SLC14A2: variants seen among roughly 807,000 people sequenced by gnomAD.
SLC14A2 encodes the protein urea transporter 2.
Under a neutral mutation model 104.6 loss-of-function variants are expected in SLC14A2, and 91 were observed. That is an observed-to-expected ratio of 0.87 (90% CI 0.73 to 1.04). SLC14A2 has a LOEUF of 1.04. Ranked by LOEUF, SLC14A2 falls within the 50% of genes least tolerant of loss-of-function variation. The probability of loss-of-function intolerance (pLI) is 0.00; values close to 1 mark genes in which losing one functional copy is unlikely to be tolerated. For missense variants in SLC14A2, 1,189 were observed against 1,156.0 expected, an observed-to-expected ratio of 1.03 and a Z score of -0.41; for synonymous variants, 476 against 466.4, an observed-to-expected ratio of 1.02 and a Z score of -0.27.
intron 1 of SLC14A2, among the ~76,000 whole-genome samples, chr18:45,305,083 T>A (rs2085005350): frequency 6.6e-6 from 1 of 152,178 alleles, no homozygotes; most frequent in Admixed American, 6.5e-5. Flanking sequence ...TGACCTGGGT[T>A]GGGAAAGTGC....
intron 1 of SLC14A2, among the ~76,000 whole-genome samples, chr18:45,303,686 C>G (rs1031013716): frequency 1.3e-5 from 2 of 152,208 alleles, no homozygotes; most frequent in African/African-American, 4.8e-5. Flanking sequence ...ATATTTATTA[C>G]AGAAACACCT....
chr18:45,335,998 G>T (rs145102083), intron 1 of SLC14A2, among the ~76,000 whole-genome samples: 3 of 152,130 alleles, frequency 2.0e-5, no homozygotes, highest in Non-Finnish European at 4.4e-5. Flanking sequence ...CCTCCTTCTC[G>T]CCAAGCTGGT....
intron 2 of SLC14A2, among the ~76,000 whole-genome samples, chr18:45,594,294 A>G (rs1024623693): frequency 1.3e-5 from 2 of 152,202 alleles, no homozygotes; most frequent in African/African-American, 4.8e-5. Flanking sequence ...TAGCAATGGG[A>G]TGTTTAAGTG....
intron 2 of SLC14A2, among the ~76,000 whole-genome samples, chr18:45,587,509 G>A (rs899503702): frequency 6.6e-6 from 1 of 152,118 alleles, no homozygotes; most frequent in Non-Finnish European, 1.5e-5. Context: ...TTCCCAGGAG[G>A]CAAGAACCAC....
At position 45,273,529 on chromosome 18, in the gene SLC14A2, C is replaced by T. The variant is rs897566734; in HGVS notation, c.-125+60338C>T. ...AAGAGGGAACAGGTAGTGTGCAATA[C>T]AACCATCAAATACTTCTACACTCTA... On this transcript the variant is annotated intron_variant, in intron 1 of 20. Coordinates refer to the SLC14A2 transcript ENST00000586448. 8.8e-4 allele frequency among the ~76,000 whole-genome samples: 134 copies of T among 152,110 alleles called. 8 individuals carry two copies. The highest frequency in any genetic ancestry group is 4.4e-5 in the Non-Finnish European group (3 of 68,016).
intron 1 of SLC14A2, among the ~76,000 whole-genome samples, chr18:45,464,985 G>A (rs954306483): frequency 5.3e-5 from 8 of 152,180 alleles, no homozygotes; most frequent in African/African-American, 1.9e-4. Context: ...CAGGCAGGCA[G>A]GAGAGAAGTA....
intron 1 of SLC14A2, among the ~76,000 whole-genome samples, chr18:45,407,483 T>C (rs1484188268): frequency 6.6e-6 from 1 of 152,212 alleles, no homozygotes; most frequent in Non-Finnish European, 1.5e-5. Context: ...TTTGCTTTCT[T>C]ATCATTCGTG....
At chr18:45,348,569 A>G (rs2085471915) in intron 1 of SLC14A2, among the ~76,000 whole-genome samples, 1 of 152,196 alleles carries the variant, frequency 6.6e-6, no homozygotes, top group South Asian at 2.1e-4. Flanking sequence ...GGCCCCAGTT[A>G]TACTATTTGA....
chr18:45,223,293 G>A (rs2143998878), intron 1 of SLC14A2, among the ~76,000 whole-genome samples: 1 of 152,232 alleles, frequency 6.6e-6, no homozygotes, highest in East Asian at 1.9e-4. Flanking sequence ...CGGAAGTTCA[G>A]GAAGGCAAAC....
At chr18:45,578,397 C>T (rs2044443313) in intron 2 of SLC14A2, among the ~76,000 whole-genome samples, 1 of 152,196 alleles carries the variant, frequency 6.6e-6, no homozygotes. Flanking sequence ...CACCCACTGT[C>T]TCAAGGCCAA....
intron 1 of SLC14A2, among the ~76,000 whole-genome samples, chr18:45,236,840 G>C (rs909205529): frequency 7.2e-5 from 11 of 152,206 alleles, no homozygotes; most frequent in African/African-American, 2.7e-4. Flanking sequence ...GAAGCTGTAT[G>C]CTGAAACATC....
At chr18:45,655,864 T>C (rs973259679) in intron 10 of SLC14A2, among the ~76,000 whole-genome samples, 4 of 152,162 alleles carry the variant, frequency 2.6e-5, no homozygotes, top group Non-Finnish European at 4.4e-5. Flanking sequence ...TCCATTGATA[T>C]CATTTGAGAA....
chr18:45,534,355 CAAAAGG>C (rs2043747793), intron 2 of SLC14A2, among the ~76,000 whole-genome samples: 1 of 151,864 alleles, frequency 6.6e-6, no homozygotes, highest in East Asian at 1.9e-4. Flanking sequence ...AATTTATAGT[CAAAAGG>C]AAAAAAACCC....
intron 1 of SLC14A2, among the ~76,000 whole-genome samples, chr18:45,289,995 A>G (rs952517601): frequency 6.6e-6 from 1 of 152,170 alleles, no homozygotes; most frequent in Non-Finnish European, 1.5e-5. Context: ...TATTGATAAT[A>G]ACTTTGACAG....
chr18:45,332,178 A>C (rs2085296906), intron 1 of SLC14A2, among the ~76,000 whole-genome samples: 1 of 152,220 alleles, frequency 6.6e-6, no homozygotes, highest in African/African-American at 2.4e-5. Context: ...TCTCCTTGGC[A>C]ATCAGTTCTG....
intron 1 of SLC14A2, among the ~76,000 whole-genome samples, chr18:45,621,562 T>C (rs906678031): frequency 6.6e-6 from 1 of 152,222 alleles, no homozygotes; most frequent in Admixed American, 6.5e-5. Flanking sequence ...ATCAGTCACC[T>C]GTAACCTTGC....
chr18:45,298,089 CATAAT>C (rs1449404577), intron 1 of SLC14A2, among the ~76,000 whole-genome samples: 4 of 152,302 alleles, frequency 2.6e-5, no homozygotes, highest in East Asian at 1.9e-4. Flanking sequence ...AACCTATAAT[CATAAT>C]ATAATATCTT....
chr18:45,273,489 G>A (rs182530552), intron 1 of SLC14A2, among the ~76,000 whole-genome samples: 105 of 152,242 alleles, frequency 6.9e-4, no homozygotes, highest in African/African-American at 2.2e-3. Context: ...GGAGAAAAGC[G>A]TTGTCCTACA....
intron 16 of SLC14A2, among the ~76,000 whole-genome samples, chr18:45,671,601 T>C (rs1358022244): frequency 1.3e-5 from 2 of 152,108 alleles, no homozygotes; most frequent in Non-Finnish European, 2.9e-5. Flanking sequence ...CCTGTCCCCT[T>C]TGCCCTGCAT....
Sources: allele counts gnomAD v4.1 joint callset (sites outside exome capture counted in the v4.1 genomes callset), GRCh38; gene constraint gnomAD v4.1.1; transcripts MANE v1.5; gene names NCBI Gene and HGNC (gene_info 2026-07-23, HGNC 2026-07-21).